Variants in ZNF804A observed in about 807,000 individuals in gnomAD.
The protein encoded by ZNF804A is zinc finger protein 804A.
A neutral mutation model predicts 16.5 loss-of-function variants in ZNF804A; 2 were observed. The observed-to-expected ratio is 0.12, with a 90% CI of 0.05 to 0.38. The LOEUF (loss-of-function observed/expected upper bound fraction) is 0.38. ZNF804A is among the 10% of genes least tolerant of loss of function. ZNF804A has a pLI of 0.99. For synonymous variants in ZNF804A, 534 were observed against 489.6 expected (o/e 1.09, Z -1.20); for missense variants, 1,473 against 1,390.7 (o/e 1.06, Z -0.94).
intron 1 of ZNF804A, among the ~76,000 whole-genome samples, chr2:184,850,528 C>G (rs1194691578): frequency 1.3e-5 from 2 of 151,626 alleles, no homozygotes; most frequent in Non-Finnish European, 3.0e-5. Flanking sequence ...CAATTTTCCC[C>G]TCTCTCCCTT....
chr2:184,865,534 C>T (rs575014764), intron 1 of ZNF804A, among the ~76,000 whole-genome samples: 1 of 152,056 alleles, frequency 6.6e-6, no homozygotes, highest in Non-Finnish European at 1.5e-5. Flanking sequence ...ATTTGTGACA[C>T]TTACTTCATT....
At chr2:184,818,635 A>G (rs1695022216) in intron 1 of ZNF804A, among the ~76,000 whole-genome samples, 1 of 151,968 alleles carries the variant, frequency 6.6e-6, no homozygotes, top group South Asian at 2.1e-4. Context: ...GTCATGGCCC[A>G]TTGATATGCT....
At chr2:184,684,308 T>A (rs547723087) in intron 1 of ZNF804A, among the ~76,000 whole-genome samples, 6 of 152,208 alleles carry the variant, frequency 3.9e-5, no homozygotes, top group Non-Finnish European at 4.4e-5. Context: ...CACAAATAAG[T>A]GTATATGGGT....
At chr2:184,795,229 C>A (rs75029434) in intron 1 of ZNF804A, among the ~76,000 whole-genome samples, 1 of 152,064 alleles carries the variant, frequency 6.6e-6, no homozygotes, top group Non-Finnish European at 1.5e-5. Flanking sequence ...CTCTCCCAGA[C>A]GACAGTGGAA....
At chr2:184,774,883 G>A (rs1411716603) in intron 1 of ZNF804A, among the ~76,000 whole-genome samples, 1 of 151,206 alleles carries the variant, frequency 6.6e-6, no homozygotes, top group African/African-American at 2.4e-5. Flanking sequence ...CATAAACAAA[G>A]CAGCTACCCT....
intron 1 of ZNF804A, among the ~76,000 whole-genome samples, chr2:184,660,939 C>A (rs887853154): frequency 6.6e-6 from 1 of 152,148 alleles, no homozygotes; most frequent in Non-Finnish European, 1.5e-5. Context: ...TTGAGTATGT[C>A]AATAGCCCTT....
chr2:184,844,496 G>A (rs536882553), intron 1 of ZNF804A, among the ~76,000 whole-genome samples: 11 of 151,938 alleles, frequency 7.2e-5, no homozygotes, highest in African/African-American at 2.2e-4. Context: ...TAGAATTCTA[G>A]GTTGTTGTTT....
Position 184,886,404 on chromosome 2 carries a change from T to C in ZNF804A, c.255+19892T>C, listed in dbSNP as rs540084740. Reference sequence around the variant, plus strand: ...GTCTGTGGCTTTTCCAGGCACACAGTGCAAGTTGTCAGTGATCTGCCATTC... The same window carrying C: ...GTCTGTGGCTTTTCCAGGCACACAGCGCAAGTTGTCAGTGATCTGCCATTC... On this transcript the variant is annotated intron_variant, in intron 2 of 3. Coordinates refer to ENST00000302277, the MANE Select transcript of ZNF804A (RefSeq NM_194250.2). Among the ~76,000 whole-genome samples, 34 of 152,226 alleles carry C rather than the reference T, an allele frequency of 2.2e-4. 1 individual carries two copies. The highest frequency in any genetic ancestry group is 1.4e-3 in the Admixed American group (21 of 15,296).
intron 1 of ZNF804A, among the ~76,000 whole-genome samples, chr2:184,827,627 T>C (rs1242450654): frequency 6.6e-6 from 1 of 151,092 alleles, no homozygotes; most frequent in African/African-American, 2.4e-5. Context: ...ATAAGTAGAT[T>C]ACTTTTGCAT....
chr2:184,836,608 G>A (rs1695349084), intron 1 of ZNF804A, among the ~76,000 whole-genome samples: 2 of 151,670 alleles, frequency 1.3e-5, no homozygotes, highest in Admixed American at 1.3e-4. Flanking sequence ...TATGAATGCT[G>A]ATCTTGGAAA....
intron 1 of ZNF804A, among the ~76,000 whole-genome samples, chr2:184,847,045 C>T (rs1056648548): frequency 6.6e-6 from 1 of 152,114 alleles, no homozygotes; most frequent in Non-Finnish European, 1.5e-5. Context: ...GAATGTACCT[C>T]TTTCCTTGAA....
At chr2:184,929,774 C>T (rs1454759366) in intron 2 of ZNF804A, among the ~76,000 whole-genome samples, 11 of 152,058 alleles carry the variant, frequency 7.2e-5, no homozygotes, top group Admixed American at 6.6e-4. Context: ...TGTGTTTGTA[C>T]GAAGTTGTTC....
chr2:184,735,283 G>T (rs1224323409), intron 1 of ZNF804A, among the ~76,000 whole-genome samples: 1 of 151,812 alleles, frequency 6.6e-6, no homozygotes, highest in East Asian at 1.9e-4. Context: ...ACAATGAAAG[G>T]CCTGATTAAT....
intron 3 of ZNF804A, among the ~76,000 whole-genome samples, chr2:184,935,408 A>G (rs1178798539): frequency 2.0e-5 from 3 of 152,170 alleles, no homozygotes; most frequent in Non-Finnish European, 4.4e-5. Flanking sequence ...ATATAGCATC[A>G]ATGATATTAA....
intron 1 of ZNF804A, among the ~76,000 whole-genome samples, chr2:184,860,613 G>C (rs185634803): frequency 6.6e-6 from 1 of 152,176 alleles, no homozygotes; most frequent in Non-Finnish European, 1.5e-5. Flanking sequence ...GAAAGAGTCC[G>C]CAAGGATAGC....
chr2:184,731,956 C>T (rs988741434), intron 1 of ZNF804A, among the ~76,000 whole-genome samples: 2 of 152,034 alleles, frequency 1.3e-5, no homozygotes, highest in African/African-American at 4.8e-5. Context: ...GATAACAGGC[C>T]ATTATCAGAG....
chr2:184,918,574 G>A (rs1685486376), intron 2 of ZNF804A, among the ~76,000 whole-genome samples: 1 of 152,108 alleles, frequency 6.6e-6, no homozygotes, highest in Admixed American at 6.6e-5. Flanking sequence ...ATTGCCACCT[G>A]GCTGGAGTTG....
chr2:184,748,837 T>C (rs888965108), intron 1 of ZNF804A, among the ~76,000 whole-genome samples: 4 of 151,580 alleles, frequency 2.6e-5, no homozygotes, highest in African/African-American at 9.7e-5. Context: ...ATTGATTGAA[T>C]AGGGAGTCCT....
In ZNF804A at chr2:184,911,091, C is replaced by A. The variant is rs531831492; in HGVS notation, c.256-22512C>A. Among the ~76,000 whole-genome samples, 3 of 151,782 alleles carry A rather than the reference C, an allele frequency of 2.0e-5. No individual in the cohort carries two copies. The South Asian group carries it at 6.2e-4, about 31-fold the overall frequency. On this transcript the variant is annotated intron_variant, in intron 2 of 3. Transcript: ENST00000302277. ...ATGGTGTTTACCAGGTTTTCTTCTA[C>A]GATTCTTATAGTTTGAAGTCTTACA...
Sources: allele counts gnomAD v4.1 joint callset (sites outside exome capture counted in the v4.1 genomes callset), GRCh38; gene constraint gnomAD v4.1.1; transcripts MANE v1.5; gene names NCBI Gene and HGNC (gene_info 2026-07-23, HGNC 2026-07-21).